The following LSM8 variants were observed in gnomAD, a reference collection of about 807,000 sequenced individuals.
LSM8 encodes the protein LSM8 homolog, U6 small nuclear RNA associated, also known as LSM8 U6 small nuclear RNA associated.
Under a neutral mutation model 15.0 loss-of-function variants are expected in LSM8, and 14 were observed. The observed-to-expected ratio is 0.93, with a 90% CI of 0.62 to 1.46. The LOEUF is 1.46. Among genes scored for constraint, LSM8 ranks in the 40% most tolerant of loss-of-function variants. The probability of loss-of-function intolerance (pLI) is 0.00; values close to 1 mark genes in which losing one functional copy is unlikely to be tolerated. For synonymous variants in LSM8, 50 were observed against 42.1 expected (o/e 1.19, Z -0.73); for missense variants, 90 against 115.4 (o/e 0.78, Z 1.01).
chr7:118,189,149 A>G (rs1808934004), intron 3 of LSM8: 1 of 152,376 alleles, frequency 6.6e-6, no homozygotes, highest in African/African-American at 2.4e-5. Flanking sequence ...AGTTCCAGCT[A>G]CTTGGGAGGC....
chr7:118,194,103 G>T lies in LSM8; in HGVS notation c.*2101G>T, dbSNP rs1219338056. Among the ~76,000 whole-genome samples, 1 of 152,050 alleles carries T rather than the reference G, an allele frequency of 6.6e-6. No homozygotes were observed. The highest frequency in any genetic ancestry group is 2.4e-5 in the African/African-American group (1 of 41,430). ...ACCGATTAAAATTGGATTTATTTTTGCATGAGAATTGTAAGGGAGCCACAA... is the reference window on the plus strand; with the variant it reads ...ACCGATTAAAATTGGATTTATTTTTTCATGAGAATTGTAAGGGAGCCACAA... On this transcript the variant is annotated 3_prime_UTR_variant, in exon 4 of 4. Transcript: ENST00000249299.
chr7:118,191,784 T>C (rs1360287617), intron 3 of LSM8, 128 bp from the exon 4 acceptor site: 1 of 667,878 alleles, frequency 1.5e-6, no homozygotes, highest in Admixed American at 3.2e-5. Context: ...CTTAATTCTT[T>C]TTACTGTGCT....
At chr7:118,191,422 T>C (rs1808979123) in intron 3 of LSM8, 1 of 152,532 alleles carries the variant, frequency 6.6e-6, no homozygotes, top group African/African-American at 2.4e-5. Flanking sequence ...TGGATTTAAC[T>C]GAAAACTTAG....
chr7:118,186,155 A>G lies in LSM8; in HGVS notation c.72+461A>G, dbSNP rs577397741. Among the ~76,000 whole-genome samples the G allele has an allele frequency of 2.7e-4, 41 of 152,030 alleles. No homozygotes were observed. In the South Asian group the frequency reaches 6.0e-3, roughly 22 times the overall value. On this transcript the variant is annotated intron_variant, in intron 2 of 3. Coordinates refer to ENST00000249299, the MANE Select transcript of LSM8 (RefSeq NM_016200.5). ...CATGTCTTCTGTAGGACACATTATG[A>G]TGATTGACTCTCTATATATACACAT...
In LSM8 at chr7:118,196,077, T is replaced by C. The variant is rs1025003556; in HGVS notation, c.*4075T>C. On this transcript the variant is annotated 3_prime_UTR_variant, in exon 4 of 4. Transcript: ENST00000249299. ...ATCGATGCTGCCTCCTAGTGGCCAT[T>C]GCTTTCTTTTCTACCTGTCCACAAA... Among the ~76,000 whole-genome samples the C allele has an allele frequency of 4.6e-5, 7 of 152,342 alleles. No individual in the cohort carries two copies. In the East Asian group the frequency reaches 1.4e-3, roughly 29 times the overall value.
intron 3 of LSM8, chr7:118,191,480 A>C (rs1179030800): frequency 6.5e-6 from 1 of 153,526 alleles, no homozygotes; most frequent in African/African-American, 2.4e-5. Flanking sequence ...TAATTCATCA[A>C]AGTTACTCAA....
rs115916397 is a variant in LSM8 at position 118,203,297 on chromosome 7, C to G, written c.*11295C>G. 5.7e-3 allele frequency among the ~76,000 whole-genome samples: 871 copies of G among 151,874 alleles called. 10 individuals carry two copies. Among genetic ancestry groups the G allele is most frequent in the African/African-American group, 0.02 (827 of 41,466 alleles). On this transcript the variant is annotated 3_prime_UTR_variant, in exon 4 of 4. Transcript: ENST00000249299. ...TACTAATTTAAGAAAGAAATATAAA[C>G]CCCTTTTAAAACTCACATAATTTTC...
intron 3 of LSM8, chr7:118,191,704 A>G (rs1411766622): frequency 6.0e-6 from 3 of 497,836 alleles, no homozygotes; most frequent in Non-Finnish European, 7.1e-6. Context: ...TGTGCCTTCA[A>G]ATTATTTCTT....
rs115054529 is a variant in LSM8 at position 118,196,466 on chromosome 7, G to A, written c.*4464G>A. On this transcript the variant is annotated 3_prime_UTR_variant, in exon 4 of 4. Coordinates refer to ENST00000249299, the MANE Select transcript of LSM8 (RefSeq NM_016200.5). ...GTTGCATAATTCTAAGGATAAAGGC[G>A]AAATAGGACTTCACCAGGAGAATTT... 4.5e-3 allele frequency among the ~76,000 whole-genome samples: 687 copies of A among 152,012 alleles called. 4 individuals carry two copies. Among genetic ancestry groups the A allele is most frequent in the African/African-American group, 0.014 (586 of 41,482 alleles).
rs1809154378 is a variant in LSM8, at chr7:118,200,481, C to G, written c.*8479C>G. Among the ~76,000 whole-genome samples, 1 of 152,094 alleles carries G rather than the reference C, an allele frequency of 6.6e-6. No homozygotes were observed. Among genetic ancestry groups the G allele is most frequent in the African/African-American group, 2.4e-5 (1 of 41,420 alleles). On this transcript the variant is annotated 3_prime_UTR_variant, in exon 4 of 4. Coordinates refer to ENST00000249299, the MANE Select transcript of LSM8 (RefSeq NM_016200.5). ...TCTTAATTACCATTAGGTTGGAACT[C>G]TACCTGAACTAAAAATAAGTGGTCT...
chr7:118,195,860 T>C lies in LSM8; in HGVS notation c.*3858T>C, dbSNP rs1182760198. On this transcript the variant is annotated 3_prime_UTR_variant, in exon 4 of 4. Transcript: ENST00000249299. ...TTGATAAGGTAAAGCTATCTCCATT[T>C]AGATTGATACCCATTAAATAGCATA... Among the ~76,000 whole-genome samples the C allele has an allele frequency of 6.6e-6, 1 of 152,234 alleles. No homozygotes were observed. The highest frequency in any genetic ancestry group is 2.4e-5 in the African/African-American group (1 of 41,466).
At chr7:118,191,845 A>T in intron 3 of LSM8, 67 bp from the exon 4 acceptor site, 1 of 1,203,734 alleles carries the variant, frequency 8.3e-7, no homozygotes, top group Non-Finnish European at 1.2e-6. Flanking sequence ...TGATTTGATT[A>T]GTAAGATTTT....
Position 118,194,961 on chromosome 7 carries a change from C to G in LSM8, c.*2959C>G, listed in dbSNP as rs75418392. ...ACTAGTAAGTAACAGTGCTCAAATT[C>G]AACTAGGTCTTTCAGCTTTTTATAC... On this transcript the variant is annotated 3_prime_UTR_variant, in exon 4 of 4. Coordinates refer to ENST00000249299, the MANE Select transcript of LSM8 (RefSeq NM_016200.5). Among the ~76,000 whole-genome samples the G allele has an allele frequency of 4.2e-3, 640 of 152,234 alleles. 3 individuals are homozygous for G. Among genetic ancestry groups the G allele is most frequent in the Non-Finnish European group, 5.2e-3 (353 of 67,992 alleles).
chr7:118,194,220 G>A lies in LSM8; in HGVS notation c.*2218G>A, dbSNP rs961363574. On this transcript the variant is annotated 3_prime_UTR_variant, in exon 4 of 4. Transcript: ENST00000249299. Reference sequence around the variant, plus strand: ...AATCAGTTCTTATTTATAAAGAGGCGCAAATCAATTTCAACCTGTAATTAC... The same window carrying A: ...AATCAGTTCTTATTTATAAAGAGGCACAAATCAATTTCAACCTGTAATTAC... Among the ~76,000 whole-genome samples, 6 of 151,934 alleles carry A rather than the reference G, an allele frequency of 3.9e-5. No individual in the cohort carries two copies. Among genetic ancestry groups the A allele is most frequent in the Non-Finnish European group, 8.8e-5 (6 of 67,946 alleles).
Position 118,200,998 on chromosome 7 carries a change from T to G in LSM8, c.*8996T>G, listed in dbSNP as rs1266422231. Among the ~76,000 whole-genome samples the G allele has an allele frequency of 6.6e-6, 1 of 152,132 alleles. No individual in the cohort carries two copies. The highest frequency in any genetic ancestry group is 1.5e-5 in the Non-Finnish European group (1 of 67,998). ...AAATCTAATTTGGTAGCAATTGACT[T>G]GAAATTTGTGATACTTCAACTTGTG... On this transcript the variant is annotated 3_prime_UTR_variant, in exon 4 of 4. Transcript: ENST00000249299.
Position 118,188,261 on chromosome 7 carries a change from GA to G in LSM8, c.73-15del. On this transcript the variant is annotated splice_polypyrimidine_tract_variant and intron_variant, in intron 2 of 3. Coordinates refer to ENST00000249299, the MANE Select transcript of LSM8 (RefSeq NM_016200.5). ...ACCAGAATATTTCTCTTTTTCTCCT[GA>G]ATATTTTCTTTACAGGGAACACTGA... 1 of 1,611,522 alleles carries G rather than the reference GA, an allele frequency of 6.2e-7. No individual in the cohort carries two copies. The highest frequency in any genetic ancestry group is 2.2e-5 in the East Asian group (1 of 44,812).
rs912315224 is a variant in LSM8, at chr7:118,195,219, GTGGAAT to G, written c.*3219_*3224del. Among the ~76,000 whole-genome samples the G allele has an allele frequency of 6.6e-6, 1 of 152,162 alleles. No individual in the cohort carries two copies. Among genetic ancestry groups the G allele is most frequent in the African/African-American group, 2.4e-5 (1 of 41,440 alleles). ...AGTCACTAAACAGCGAAGGAAAGTGGTGGAATTATTAAAAGACCTAGCACTTACCTG... is the reference window on the plus strand; with the variant it reads ...AGTCACTAAACAGCGAAGGAAAGTGGTATTAAAAGACCTAGCACTTACCTG... On this transcript the variant is annotated 3_prime_UTR_variant, in exon 4 of 4. Transcript: ENST00000249299.
At chr7:118,184,686 A>G in intron 1 of LSM8, 1 of 155,318 alleles carries the variant, frequency 6.4e-6, no homozygotes, top group Non-Finnish European at 1.4e-5. Flanking sequence ...GATGGTTCAC[A>G]GACTGTTTCT....
chr7:118,201,789 C>T lies in LSM8; in HGVS notation c.*9787C>T, dbSNP rs986986789. Among the ~76,000 whole-genome samples the T allele has an allele frequency of 2.6e-5, 4 of 152,010 alleles. No homozygotes were observed. Among genetic ancestry groups the T allele is most frequent in the African/African-American group, 9.7e-5 (4 of 41,410 alleles). ...GTATACATTTGTGGTAACACTTTAA[C>T]TTTTTCCCTGTAAGGCCATCTTTTG... On this transcript the variant is annotated 3_prime_UTR_variant, in exon 4 of 4. Coordinates refer to ENST00000249299, the MANE Select transcript of LSM8 (RefSeq NM_016200.5).
Sources: allele counts gnomAD v4.1 joint callset (sites outside exome capture counted in the v4.1 genomes callset), GRCh38; gene constraint gnomAD v4.1.1; transcripts MANE v1.5; gene names NCBI Gene and HGNC (gene_info 2026-07-23, HGNC 2026-07-21).